The following NEDD4L variants were observed in gnomAD, a reference collection of about 807,000 sequenced individuals.
NEDD4L encodes the protein NEDD4 like E3 ubiquitin protein ligase, also known as E3 ubiquitin-protein ligase NEDD4-like.
Under a neutral mutation model 148.9 loss-of-function variants are expected in NEDD4L, and 54 were observed. The ratio of observed to expected loss-of-function variants is 0.36; its 90% CI spans 0.29 to 0.45. NEDD4L has a LOEUF of 0.45. Ranked by LOEUF, NEDD4L falls within the 20% of genes least tolerant of loss-of-function variation. The pLI is 1.00. For synonymous variants in NEDD4L, 433 were observed against 440.7 expected, an observed-to-expected ratio of 0.98 and a Z score of 0.22; for missense variants, 856 against 1,233.8, an observed-to-expected ratio of 0.69 and a Z score of 4.59.
chr18:58,124,290 C>A (rs1240602306), intron 1 of NEDD4L, among the ~76,000 whole-genome samples: 2 of 152,234 alleles, frequency 1.3e-5, no homozygotes. Flanking sequence ...CAGACTCGTG[C>A]ATGGCCTGCC....
chr18:58,246,011 A>G (rs574244706), intron 3 of NEDD4L, among the ~76,000 whole-genome samples: 19 of 151,874 alleles, frequency 1.3e-4, no homozygotes, highest in African/African-American at 4.6e-4. Context: ...TTTTTGTCTT[A>G]TATACTGTAT....
intron 28 of NEDD4L, 62 bp from the exon 29 acceptor site, chr18:58,390,584 T>C (rs1254412407): frequency 1.9e-5 from 19 of 1,020,710 alleles, no homozygotes; most frequent in Non-Finnish European, 2.9e-5. Flanking sequence ...CCTGCCTGCA[T>C]GACAGCAGCA....
At chr18:58,128,838 C>G (rs2031590182) in intron 1 of NEDD4L, among the ~76,000 whole-genome samples, 1 of 152,284 alleles carries the variant, frequency 6.6e-6, no homozygotes, top group South Asian at 2.1e-4. Context: ...CCTGGTTGAA[C>G]TTGGCCTTTG....
Position 58,082,079 on chromosome 18 carries a change from A to AATATATACACACACATATATATAT in NEDD4L, c.48+37378_48+37379insCACACACATATATATATATATATA, listed in dbSNP as rs1378443130. Among the ~76,000 whole-genome samples, 4 of 89,948 alleles carry AATATATACACACACATATATATAT rather than the reference A, an allele frequency of 4.4e-5. 1 individual carries two copies. The highest frequency in any genetic ancestry group is 2.3e-4 in the African/African-American group (4 of 17,374). The allele number at this position is 89,948 out of a possible 152,430, so 59.0% of individuals were successfully genotyped here. A position where few individuals can be genotyped will look rare whatever the true frequency, so the allele number is the denominator to read the frequency against. On this transcript the variant is annotated intron_variant, in intron 1 of 30. Coordinates refer to ENST00000400345, the MANE Select transcript of NEDD4L (RefSeq NM_001144967.3). Reference sequence around the variant, plus strand: ...TTTTTATTCTAATTGCTTTCTGATGAATATATATATATATATATATATATT... The same window carrying AATATATACACACACATATATATAT: ...TTTTTATTCTAATTGCTTTCTGATGAATATATACACACACATATATATATATATATATATATATATATATATATT...
chr18:58,362,335 C>T (rs1174410944), intron 19 of NEDD4L, among the ~76,000 whole-genome samples: 1 of 152,140 alleles, frequency 6.6e-6, no homozygotes, highest in Non-Finnish European at 1.5e-5. Flanking sequence ...AGAACCCTCA[C>T]GAATACAGGA....
intron 2 of NEDD4L, among the ~76,000 whole-genome samples, chr18:58,214,829 T>TG (rs2043000854): frequency 6.7e-6 from 1 of 149,516 alleles, no homozygotes. Context: ...TTGTTGTTGT[T>TG]GAGACAGAGT....
At chr18:58,058,210 G>A (rs111660870) in intron 1 of NEDD4L, among the ~76,000 whole-genome samples, 32 of 152,220 alleles carry the variant, frequency 2.1e-4, no homozygotes, top group Admixed American at 6.5e-5. Flanking sequence ...GGAGGCTGAG[G>A]CAGGAGAATC....
intron 2 of NEDD4L, among the ~76,000 whole-genome samples, chr18:58,199,061 G>A (rs1599623966): frequency 1.3e-5 from 2 of 152,160 alleles, no homozygotes; most frequent in Admixed American, 1.3e-4. Flanking sequence ...CAAAGTGCTG[G>A]GATTACAGGC....
intron 2 of NEDD4L, among the ~76,000 whole-genome samples, chr18:58,177,013 G>A (rs895328585): frequency 3.3e-5 from 5 of 152,148 alleles, no homozygotes; most frequent in South Asian, 2.1e-4. Context: ...AGATACAAAG[G>A]CACCAATAGG....
chr18:58,162,690 C>A (rs1226118380), intron 1 of NEDD4L, among the ~76,000 whole-genome samples: 1 of 151,344 alleles, frequency 6.6e-6, no homozygotes, highest in Non-Finnish European at 1.5e-5. Context: ...ACGTGTCTGG[C>A]ACGTGATGGG....
At chr18:58,246,170 A>G (rs1446322253) in intron 3 of NEDD4L, among the ~76,000 whole-genome samples, 2 of 152,170 alleles carry the variant, frequency 1.3e-5, no homozygotes, top group African/African-American at 4.8e-5. Context: ...TTTCTTGCAC[A>G]GAATACAGCA....
chr18:58,347,978 T>C (rs1445721520), intron 16 of NEDD4L, among the ~76,000 whole-genome samples: 1 of 151,760 alleles, frequency 6.6e-6, no homozygotes, highest in Non-Finnish European at 1.5e-5. Context: ...TTTTTTTGAG[T>C]ATAAAGATAT....
intron 2 of NEDD4L, among the ~76,000 whole-genome samples, chr18:58,214,746 G>A (rs1311629609): frequency 6.7e-6 from 1 of 149,674 alleles, no homozygotes; most frequent in African/African-American, 2.4e-5. Flanking sequence ...GATGTTTTCT[G>A]AGGTGTGTCA....
rs1299629126 is a variant in NEDD4L at position 58,399,200 on chromosome 18, CA to C, written c.*2932del. 3 of 152,210 alleles carry C rather than the reference CA, an allele frequency of 2.0e-5. No individual in the cohort carries two copies. In the East Asian group the frequency reaches 5.8e-4, roughly 29 times the overall value. The allele number at this position is 152,210 out of a possible 1,614,324, so 9.4% of individuals were successfully genotyped here. On this transcript the variant is annotated 3_prime_UTR_variant, in exon 31 of 31. Coordinates refer to ENST00000400345, the MANE Select transcript of NEDD4L (RefSeq NM_001144967.3). ...AGCACCTGGTGGGATGAAGGTCCAA[CA>C]GCCTGTGCCTCTCCACTGCTGGCCC... is the stretch of plus-strand genomic sequence containing the variant.
chr18:58,091,877 G>A (rs2084093440), intron 1 of NEDD4L, among the ~76,000 whole-genome samples: 2 of 152,320 alleles, frequency 1.3e-5, no homozygotes, highest in East Asian at 3.9e-4. Context: ...GCAACCAGAT[G>A]CCACAGGGGA....
intron 19 of NEDD4L, among the ~76,000 whole-genome samples, chr18:58,361,520 C>T (rs1211351001): frequency 3.9e-5 from 6 of 152,124 alleles, no homozygotes; most frequent in African/African-American, 1.4e-4. Flanking sequence ...TTGTTATTTC[C>T]AATTTGTCAG....
chr18:58,381,918 G>T (rs552763978), intron 24 of NEDD4L, among the ~76,000 whole-genome samples: 2 of 152,230 alleles, frequency 1.3e-5, no homozygotes, highest in African/African-American at 2.4e-5. Flanking sequence ...GGGAGAAAAT[G>T]GGATGCACTG....
At chr18:58,149,200 G>A (rs949241453) in intron 1 of NEDD4L, 4 of 234,466 alleles carry the variant, frequency 1.7e-5, no homozygotes, top group Non-Finnish European at 3.3e-5. Flanking sequence ...ATCTTATGTG[G>A]CGTTATCTGG....
chr18:58,184,927 C>CA (rs1001191802), intron 2 of NEDD4L, among the ~76,000 whole-genome samples: 4,876 of 140,074 alleles, frequency 0.035, 254 homozygotes, highest in African/African-American at 0.12. Context: ...GACTCCATCT[C>CA]AAAAAAAAAA....
Sources: gnomAD v4.1 joint callset for allele counts (sites outside exome capture counted in the v4.1 genomes callset) on GRCh38, gnomAD v4.1.1 for gene constraint, MANE v1.5 for transcripts, NCBI Gene and HGNC (gene_info 2026-07-23, HGNC 2026-07-21) for gene names.